The following ZFX variants were observed in gnomAD, a reference collection of about 807,000 sequenced individuals.
ZFX encodes the protein zinc finger protein X-linked.
For synonymous variants in ZFX, 196 were observed against 226.8 expected, an observed-to-expected ratio of 0.86 and a Z score of 1.22; for missense variants, 362 against 628.3, an observed-to-expected ratio of 0.58 and a Z score of 4.53.
rs1308803953 is a variant in ZFX at position 24,215,123 on chromosome X, G to A, written c.*3747G>A. On this transcript the variant is annotated 3_prime_UTR_variant, in exon 10 of 10. Transcript: ENST00000304543. Reference sequence around the variant, plus strand: ...CGAAGGGAATGTGGTGAATGTCACTGTCCAGAGCCATAAATCAGACAAAAC... The same window carrying A: ...CGAAGGGAATGTGGTGAATGTCACTATCCAGAGCCATAAATCAGACAAAAC... 1 of 111,903 alleles carries A rather than the reference G, an allele frequency of 8.9e-6. No individual in the cohort carries two copies. Among genetic ancestry groups the A allele is most frequent in the Non-Finnish European group, 1.9e-5 (1 of 53,254 alleles). 9.2% of individuals were successfully genotyped at this position (111,903 alleles called of 1,213,427 possible).
intron 1 of ZFX, chrX:24,150,044 C>G (rs1482002990): frequency 1.9e-5 from 2 of 103,618 alleles, no homozygotes; most frequent in Non-Finnish European, 3.9e-5. Flanking sequence ...CGGAGGCGGT[C>G]GAGGGGCCCC....
chrX:24,173,212 A>T (rs1346502465), intron 4 of ZFX, among the ~76,000 whole-genome samples: 1 of 112,096 alleles, frequency 8.9e-6, no homozygotes, highest in Admixed American at 9.5e-5. Flanking sequence ...GACAGGCTCT[A>T]CGTCTCATTC....
chrX:24,185,489 C>T (rs761503614), intron 5 of ZFX, among the ~76,000 whole-genome samples: 7 of 110,835 alleles, frequency 6.3e-5, no homozygotes, highest in Non-Finnish European at 5.7e-5. Flanking sequence ...CTTGCTCTGT[C>T]GCCCAGGCTG....
chrX:24,195,740 C>T (rs773753821), intron 5 of ZFX, among the ~76,000 whole-genome samples: 1 of 112,097 alleles, frequency 8.9e-6, no homozygotes, highest in East Asian at 2.8e-4. Context: ...GATCTGCCCA[C>T]CTTGGCTTCC....
chrX:24,203,968 ATGAC>A (rs1937474890), intron 5 of ZFX, among the ~76,000 whole-genome samples: 1 of 112,448 alleles, frequency 8.9e-6, no homozygotes, highest in African/African-American at 3.2e-5. Flanking sequence ...TTTCTCATAA[ATGAC>A]CTTCATTTCA....
chrX:24,196,052 T>C (rs763977699), intron 5 of ZFX, among the ~76,000 whole-genome samples: 4 of 112,138 alleles, frequency 3.6e-5, no homozygotes, highest in Non-Finnish European at 7.5e-5. Context: ...CCCTCCACTT[T>C]CCTTGAGCTG....
chrX:24,201,371 A>G lies in ZFX; in HGVS notation c.647-5955A>G, dbSNP rs1000154106. ...GGGCTTTTACTCCAAGTTACAGGTA[A>G]AACCATGACATTTTGCAAGCTCTAA... On this transcript the variant is annotated intron_variant, in intron 5 of 9. Transcript: ENST00000304543. Among the ~76,000 whole-genome samples the G allele has an allele frequency of 3.5e-5, 4 of 112,797 alleles. 1 individual carries two copies. Among genetic ancestry groups the G allele is most frequent in the African/African-American group, 1.3e-4 (4 of 31,073 alleles).
intron 3 of ZFX, among the ~76,000 whole-genome samples, chrX:24,158,563 A>T (rs761959243): frequency 8.9e-6 from 1 of 111,744 alleles, no homozygotes; most frequent in Non-Finnish European, 1.9e-5. Context: ...ACTTTAATGG[A>T]GTGCTTCTAA....
At chrX:24,160,698 C>A (rs1933205358) in intron 3 of ZFX, among the ~76,000 whole-genome samples, 1 of 111,652 alleles carries the variant, frequency 9.0e-6, no homozygotes. Flanking sequence ...CAGCATTTAT[C>A]ATTTCTCTGT....
In ZFX at chrX:24,179,611, G is replaced by A. The variant is rs1935492741; in HGVS notation, c.487G>A (p.Glu163Lys). ...VEHVVHDSVV[E>K]AEIVTDPLTT... ...ACATGTGGTTCATGATAGTGTAGTGGAAGCAGAAATTGTCACTGATCCTCT... is the reference window on the plus strand; with the variant it reads ...ACATGTGGTTCATGATAGTGTAGTGAAAGCAGAAATTGTCACTGATCCTCT... Residue 163 changes from glutamate (E) to lysine (K), a missense_variant, in exon 5 of 10, where the codon GAA becomes AAA. Transcript: ENST00000304543. The A allele has an allele frequency of 2.5e-6, 3 of 1,212,024 alleles. No individual in the cohort carries two copies. The East Asian group carries it at 8.9e-5, about 36-fold the overall frequency.
intron 5 of ZFX, among the ~76,000 whole-genome samples, chrX:24,189,740 T>C: frequency 9.0e-6 from 1 of 111,207 alleles, no homozygotes. Flanking sequence ...ATACATAAAG[T>C]CCAAACTCCT....
intron 3 of ZFX, among the ~76,000 whole-genome samples, chrX:24,162,947 G>A (rs1933510537): frequency 9.0e-6 from 1 of 111,268 alleles, no homozygotes; most frequent in Non-Finnish European, 1.9e-5. Flanking sequence ...ATCCTATAAC[G>A]TGGTCTTTCG....
intron 9 of ZFX, 96 bp downstream of exon 9, chrX:24,209,136 C>G: frequency 8.8e-7 from 1 of 1,134,480 alleles, no homozygotes; most frequent in East Asian, 3.0e-5. Context: ...GGCATTTTAG[C>G]TGCTAGACCA....
At position 24,215,844 on chromosome X, in the gene ZFX, TTGTGTGTG is replaced by T. The variant is rs3838207; in HGVS notation, c.*4482_*4489del. On this transcript the variant is annotated 3_prime_UTR_variant, in exon 10 of 10. Transcript: ENST00000304543. ...TTTAAAAGAGAAGGGTTGAAAAAGA[TTGTGTGTG>T]TGTGTGTGTGTGTTTAATTGGCCCA... The T allele has an allele frequency of 4.7e-5, 5 of 105,295 alleles. No individual in the cohort carries two copies. Among genetic ancestry groups the T allele is most frequent in the South Asian group, 4.3e-4 (1 of 2,348 alleles). 8.7% of individuals were successfully genotyped at this position (105,295 alleles called of 1,213,427 possible). A position where few individuals can be genotyped will look rare whatever the true frequency, so the allele number is the denominator to read the frequency against.
At chrX:24,209,146 A>G (rs764085904) in intron 9 of ZFX, 106 bp downstream of exon 9, 5 of 1,069,308 alleles carry the variant, frequency 4.7e-6, no homozygotes, top group African/African-American at 1.9e-5. Flanking sequence ...CTGCTAGACC[A>G]TATATAGCTT....
intron 5 of ZFX, among the ~76,000 whole-genome samples, chrX:24,206,529 G>A (rs866563973): frequency 1.0e-5 from 1 of 97,537 alleles, no homozygotes; most frequent in African/African-American, 4.0e-5. Flanking sequence ...GTGTGTGTGT[G>A]TGTGTGTGTG....
At position 24,210,388 on chromosome X, in the gene ZFX, G is replaced by A; in HGVS notation, c.1430G>A (p.Ser477Asn). 4 of 1,212,012 alleles carry A rather than the reference G, an allele frequency of 3.3e-6. No homozygotes were observed. The highest frequency in any genetic ancestry group is 4.5e-6 in the Non-Finnish European group (4 of 895,617). Residue 477 changes from serine to asparagine, a missense_variant, in exon 10 of 10, where the codon AGC becomes AAC. Coordinates refer to ENST00000304543, the MANE Select transcript of ZFX (RefSeq NM_003410.4). Reference protein sequence around the residue: ...KKISLHNHLESHKLTSKAEKA... With the variant: ...KKISLHNHLENHKLTSKAEKA... ...ATAAGTTTACACAACCACCTGGAGAGCCACAAGCTGACCAGCAAGGCAGAG... is the reference window on the plus strand; with the variant it reads ...ATAAGTTTACACAACCACCTGGAGAACCACAAGCTGACCAGCAAGGCAGAG...
chrX:24,161,518 G>A (rs115714296), intron 3 of ZFX, among the ~76,000 whole-genome samples: 2,808 of 111,284 alleles, frequency 0.025, 82 homozygotes, highest in African/African-American at 0.086. Flanking sequence ...GATTAAATTA[G>A]TGGGCGCAAA....
intron 5 of ZFX, among the ~76,000 whole-genome samples, chrX:24,206,839 T>C (rs1388790118): frequency 2.7e-5 from 3 of 111,288 alleles, no homozygotes; most frequent in Non-Finnish European, 1.9e-5. Context: ...TGCTTTAATA[T>C]CTGATTCTGT....
Sources: gnomAD v4.1 joint callset for allele counts (sites outside exome capture counted in the v4.1 genomes callset) on GRCh38, gnomAD v4.1.1 for gene constraint, MANE v1.5 for transcripts, NCBI Gene and HGNC (gene_info 2026-07-23, HGNC 2026-07-21) for gene names.